The following ACVR1 variants were observed in gnomAD, a reference collection of about 807,000 sequenced individuals.
The protein encoded by ACVR1 is activin receptor type-1.
Under a neutral mutation model 57.1 loss-of-function variants are expected in ACVR1, and 38 were observed. That is an observed-to-expected ratio of 0.67 (90% CI 0.51 to 0.87). The LOEUF is 0.87. Among genes scored for constraint, ACVR1 ranks in the 40% least tolerant of loss-of-function variants. The probability of loss-of-function intolerance (pLI) is 0.00; values close to 1 mark genes in which losing one functional copy is unlikely to be tolerated. For missense variants in ACVR1, 463 were observed against 638.2 expected (o/e 0.73, Z 2.96); for synonymous variants, 212 against 228.1 (o/e 0.93, Z 0.63).
chr2:157,777,337 T>C (rs1229636483), intron 5 of ACVR1, among the ~76,000 whole-genome samples: 1 of 152,182 alleles, frequency 6.6e-6, no homozygotes, highest in Non-Finnish European at 1.5e-5. Context: ...AAGTAAACTG[T>C]GGCTGGTGTG....
At chr2:157,866,108 A>G (rs1331632778) in intron 1 of ACVR1, among the ~76,000 whole-genome samples, 2 of 152,286 alleles carry the variant, frequency 1.3e-5, no homozygotes, top group Admixed American at 1.3e-4. Context: ...ATGTATAGGA[A>G]CTCATATTAC....
intron 2 of ACVR1, among the ~76,000 whole-genome samples, chr2:157,813,021 C>G (rs1425724405): frequency 6.6e-6 from 1 of 152,066 alleles, no homozygotes; most frequent in Non-Finnish European, 1.5e-5. Context: ...CTAATGAAGT[C>G]TATACATTTA....
chr2:157,766,806 G>T (rs1040345933), intron 7 of ACVR1, among the ~76,000 whole-genome samples: 1 of 152,208 alleles, frequency 6.6e-6, no homozygotes, highest in African/African-American at 2.4e-5. Context: ...GATAGTGTTT[G>T]CTGGCTAAAG....
intron 2 of ACVR1, among the ~76,000 whole-genome samples, 181 bp downstream of exon 2, chr2:157,818,204 T>G (rs1401653669): frequency 1.3e-5 from 2 of 152,168 alleles, no homozygotes; most frequent in Admixed American, 6.5e-5. Context: ...ATTAGGCTGG[T>G]CCTAACTTTC....
intron 9 of ACVR1, among the ~76,000 whole-genome samples, chr2:157,743,007 CTCCCCACCAAAGTCCAT>C (rs1209686883): frequency 6.6e-6 from 1 of 152,152 alleles, no homozygotes; most frequent in African/African-American, 2.4e-5. Context: ...AGCCCACTCC[CTCCCCACCAAAGTCCAT>C]TCCCCACCAC....
Position 157,842,435 on chromosome 2 carries a change from C to A in ACVR1, c.-182-23876G>T, listed in dbSNP as rs375990436. 2.6e-5 allele frequency among the ~76,000 whole-genome samples: 4 copies of A among 152,328 alleles called. No individual in the cohort carries two copies. The East Asian group carries it at 7.7e-4, about 29-fold the overall frequency. On this transcript the variant is annotated intron_variant, in intron 1 of 10. Transcript: ENST00000434821. ...TACTGAGCACCTACAATGAGCCAGG[C>A]ACTGATTTAGGCACTGGAGGTATGA...
rs1489779857 is a variant in ACVR1, at chr2:157,876,119, A to AGGCGGGGT, written c.-514_-507dup. ...GGGAAAGAGCCGGGGGAGGGCGGGG[A>AGGCGGGGT]GGCGGGGTGAAGAGGAGGAGGAAGG... On this transcript the variant is annotated 5_prime_UTR_variant, in exon 1 of 11. Transcript: ENST00000434821. Among the ~76,000 whole-genome samples, 1 of 41,442 alleles carries AGGCGGGGT rather than the reference A, an allele frequency of 2.4e-5. No individual in the cohort carries two copies. The highest frequency in any genetic ancestry group is 3.0e-4 in the Admixed American group (1 of 3,380). 27.2% of individuals were successfully genotyped at this position (41,442 alleles called of 152,430 possible). A position where few individuals can be genotyped will look rare whatever the true frequency, so the allele number is the denominator to read the frequency against.
At chr2:157,841,329 A>G (rs1397669516) in intron 1 of ACVR1, among the ~76,000 whole-genome samples, 3 of 152,186 alleles carry the variant, frequency 2.0e-5, no homozygotes, top group African/African-American at 7.2e-5. Flanking sequence ...GGGATTTCAA[A>G]TCCTTATAGT....
chr2:157,851,570 T>C (rs1301244154), intron 1 of ACVR1, among the ~76,000 whole-genome samples: 1 of 152,158 alleles, frequency 6.6e-6, no homozygotes. Flanking sequence ...AATACTATTA[T>C]ACTCTATATT....
At chr2:157,743,480 G>A (rs1302651939) in intron 9 of ACVR1, among the ~76,000 whole-genome samples, 1 of 151,912 alleles carries the variant, frequency 6.6e-6, no homozygotes, top group African/African-American at 2.4e-5. Flanking sequence ...AACACCTAGT[G>A]TATTACAGAC....
intron 9 of ACVR1, among the ~76,000 whole-genome samples, chr2:157,751,368 C>T (rs996775899): frequency 2.6e-5 from 4 of 152,200 alleles, no homozygotes; most frequent in East Asian, 1.9e-4. Context: ...GAAGGGCTGC[C>T]GGAGGAACTG....
At chr2:157,828,292 C>CA (rs1574119103) in intron 1 of ACVR1, among the ~76,000 whole-genome samples, 1 of 151,352 alleles carries the variant, frequency 6.6e-6, no homozygotes, top group Admixed American at 6.6e-5. Flanking sequence ...TACAAAAATA[C>CA]AAAAAAAATT....
intron 1 of ACVR1, among the ~76,000 whole-genome samples, chr2:157,862,428 C>CACAT (rs1366258983): frequency 8.1e-6 from 1 of 122,870 alleles, no homozygotes; most frequent in African/African-American, 3.0e-5. Flanking sequence ...CACATACACA[C>CACAT]ACACACACAC....
intron 4 of ACVR1, among the ~76,000 whole-genome samples, chr2:157,779,132 C>T (rs1378787879): frequency 1.3e-5 from 2 of 151,928 alleles, no homozygotes; most frequent in African/African-American, 2.4e-5. Context: ...ACTGTGGCCA[C>T]GCTAATCAGA....
At chr2:157,821,090 C>A (rs1688146120) in intron 1 of ACVR1, among the ~76,000 whole-genome samples, 1 of 152,174 alleles carries the variant, frequency 6.6e-6, no homozygotes, top group Non-Finnish European at 1.5e-5. Context: ...CTACTTGGCA[C>A]CCATCTCCCC....
At chr2:157,805,304 A>C (rs1005523104) in intron 2 of ACVR1, among the ~76,000 whole-genome samples, 3 of 152,188 alleles carry the variant, frequency 2.0e-5, no homozygotes, top group African/African-American at 7.2e-5. Flanking sequence ...ACCTTCATTC[A>C]ATAAGGACAT....
intron 1 of ACVR1, among the ~76,000 whole-genome samples, chr2:157,832,683 G>C (rs2105346162): frequency 6.6e-6 from 1 of 152,076 alleles, no homozygotes; most frequent in East Asian, 1.9e-4. Flanking sequence ...TCTTGATTTG[G>C]GTTACTATTA....
chr2:157,764,464 T>A (rs1359622822), intron 8 of ACVR1, among the ~76,000 whole-genome samples: 1 of 150,626 alleles, frequency 6.6e-6, no homozygotes, highest in Non-Finnish European at 1.5e-5. Flanking sequence ...CGCCTCGGCC[T>A]CCCAAAGTGC....
chr2:157,876,303 T>TGCG lies in ACVR1; in HGVS notation c.-693_-691dup, dbSNP rs564072145. 5.9e-3 allele frequency among the ~76,000 whole-genome samples: 785 copies of TGCG among 133,034 alleles called. 15 individuals are homozygous for TGCG. Among genetic ancestry groups the TGCG allele is most frequent in the African/African-American group, 3.5e-3 (123 of 35,442 alleles). The allele number at this position is 133,034 out of a possible 152,430, so 87.3% of individuals were successfully genotyped here. A position where few individuals can be genotyped will look rare whatever the true frequency, so the allele number is the denominator to read the frequency against. ...GTTCCCCCTGCGCCGAGGGGGAGGC[T>TGCG]GCGGCGGCGGCGGCGGCTGCAAAGA... On this transcript the variant is annotated 5_prime_UTR_variant, in exon 1 of 11. Transcript: ENST00000434821.
Sources: gnomAD v4.1 joint callset for allele counts (sites outside exome capture counted in the v4.1 genomes callset) on GRCh38, gnomAD v4.1.1 for gene constraint, MANE v1.5 for transcripts, NCBI Gene and HGNC (gene_info 2026-07-23, HGNC 2026-07-21) for gene names.